TAFA1: variants seen among roughly 807,000 people sequenced by gnomAD.
The protein encoded by TAFA1 is TAFA chemokine like family member 1, also known as chemokine-like protein TAFA-1.
Under a neutral mutation model 18.5 loss-of-function variants are expected in TAFA1, and 4 were observed. The observed-to-expected ratio is 0.22, with a 90% confidence interval of 0.11 to 0.49. The LOEUF is 0.49. TAFA1 is among the 20% of genes least tolerant of loss of function. The pLI is 0.98. For missense variants in TAFA1, 147 were observed against 169.0 expected, an observed-to-expected ratio of 0.87 and a Z score of 0.72; for synonymous variants, 56 against 55.2, an observed-to-expected ratio of 1.01 and a Z score of -0.06.
intron 3 of TAFA1, among the ~76,000 whole-genome samples, chr3:68,482,671 T>A (rs2106660317): frequency 6.6e-6 from 1 of 152,340 alleles, no homozygotes; most frequent in East Asian, 1.9e-4. Flanking sequence ...CTCTTCCTTT[T>A]GGTAGAACTG....
At chr3:68,231,794 G>C (rs2107117248) in intron 2 of TAFA1, among the ~76,000 whole-genome samples, 1 of 152,238 alleles carries the variant, frequency 6.6e-6, no homozygotes, top group Non-Finnish European at 1.5e-5. Context: ...CTCAGCTTTA[G>C]GGCCTTTCCA....
intron 2 of TAFA1, among the ~76,000 whole-genome samples, chr3:68,225,939 T>C (rs143789993): frequency 6.6e-6 from 1 of 151,900 alleles, no homozygotes; most frequent in African/African-American, 2.4e-5. Context: ...TATGGAGAGA[T>C]AAGATTTTGT....
intron 2 of TAFA1, among the ~76,000 whole-genome samples, chr3:68,165,648 G>T (rs1366644358): frequency 6.6e-6 from 1 of 152,204 alleles, no homozygotes; most frequent in Non-Finnish European, 1.5e-5. Flanking sequence ...TTAGTATTAA[G>T]GCAAAGCCTG....
At chr3:68,443,473 C>CAAAAAAAAAAAAAAAAA (rs56944130) in intron 3 of TAFA1, among the ~76,000 whole-genome samples, 1 of 96,102 alleles carries the variant, frequency 1.0e-5, no homozygotes, top group Non-Finnish European at 2.2e-5. Flanking sequence ...GGGCAATTTA[C>CAAAAAAAAAAAAAAAAA]AAAAAAAAAA....
intron 2 of TAFA1, among the ~76,000 whole-genome samples, chr3:68,042,516 G>A (rs1705186533): frequency 6.6e-6 from 1 of 152,098 alleles, no homozygotes; most frequent in South Asian, 2.1e-4. Context: ...TGGTGTGGTG[G>A]CACATGCCTG....
chr3:68,407,265 T>C (rs1386601613), intron 2 of TAFA1, among the ~76,000 whole-genome samples: 1 of 152,164 alleles, frequency 6.6e-6, no homozygotes, highest in African/African-American at 2.4e-5. Context: ...CTGAACCAGG[T>C]ATTATTATAA....
At chr3:68,045,205 A>T (rs1482114565) in intron 2 of TAFA1, among the ~76,000 whole-genome samples, 1 of 152,166 alleles carries the variant, frequency 6.6e-6, no homozygotes, top group Non-Finnish European at 1.5e-5. Context: ...TCTCATGGCA[A>T]TGGCAGAGGA....
At chr3:68,073,789 AATG>A (rs535673528) in intron 2 of TAFA1, among the ~76,000 whole-genome samples, 137 of 152,144 alleles carry the variant, frequency 9.0e-4, no homozygotes, top group African/African-American at 3.2e-3. Flanking sequence ...TGGAGGTAGT[AATG>A]ATGATGGTGA....
At chr3:68,445,404 A>C (rs899907156) in intron 3 of TAFA1, among the ~76,000 whole-genome samples, 1 of 152,264 alleles carries the variant, frequency 6.6e-6, no homozygotes, top group Admixed American at 6.5e-5. Flanking sequence ...ACTTTACAAG[A>C]ATATTGTTTT....
intron 3 of TAFA1, among the ~76,000 whole-genome samples, chr3:68,433,966 G>A (rs1013163924): frequency 1.3e-5 from 2 of 152,002 alleles, no homozygotes; most frequent in African/African-American, 4.8e-5. Flanking sequence ...TATGTGTAAA[G>A]GACATTCTTT....
chr3:68,021,490 G>A (rs1016472239), intron 2 of TAFA1, among the ~76,000 whole-genome samples: 1 of 151,930 alleles, frequency 6.6e-6, no homozygotes, highest in Admixed American at 6.6e-5. Context: ...TTTTATCATA[G>A]GATTCAGTCA....
chr3:67,995,568 G>A, the TAFA1 span, among the ~76,000 whole-genome samples: 1 of 152,034 alleles, frequency 6.6e-6, no homozygotes, highest in Non-Finnish European at 1.5e-5. Context: ...TTCTCCCAGA[G>A]CTGGGACTCC....
chr3:68,332,633 A>G (rs888731304), intron 2 of TAFA1, among the ~76,000 whole-genome samples: 1 of 152,356 alleles, frequency 6.6e-6, no homozygotes, highest in East Asian at 1.9e-4. Context: ...GAAGACATGC[A>G]TATTAAATGA....
intron 2 of TAFA1, among the ~76,000 whole-genome samples, chr3:68,350,200 T>C (rs1428932506): frequency 1.3e-5 from 2 of 152,164 alleles, no homozygotes; most frequent in East Asian, 1.9e-4. Flanking sequence ...GATGAAGCAC[T>C]GCTTTAAGAG....
chr3:68,370,776 C>A lies in TAFA1; in HGVS notation c.119-46504C>A, dbSNP rs1435220604. Reference sequence around the variant, plus strand: ...TTTGTTAAACCTCCTCGGGTGTTTTCGTTGTTTTTTTTTTTTTTTTTTAAT... The same window carrying A: ...TTTGTTAAACCTCCTCGGGTGTTTTAGTTGTTTTTTTTTTTTTTTTTTAAT... On this transcript the variant is annotated intron_variant, in intron 2 of 4. Coordinates refer to ENST00000478136, the MANE Select transcript of TAFA1 (RefSeq NM_213609.4). 1.8e-3 allele frequency among the ~76,000 whole-genome samples: 197 copies of A among 111,130 alleles called. 2 individuals carry two copies. The highest frequency in any genetic ancestry group is 2.6e-3 in the Non-Finnish European group (145 of 55,796). The allele number at this position is 111,130 out of a possible 152,430, so 72.9% of individuals were successfully genotyped here.
At chr3:68,454,448 G>A (rs2071621319) in intron 3 of TAFA1, among the ~76,000 whole-genome samples, 1 of 152,110 alleles carries the variant, frequency 6.6e-6, no homozygotes, top group African/African-American at 2.4e-5. Context: ...TGTGAATTTG[G>A]AAGCCCATAT....
chr3:68,247,015 A>G (rs1162145077), intron 2 of TAFA1: 1 of 152,178 alleles, frequency 6.6e-6, no homozygotes, highest in Non-Finnish European at 1.5e-5. Context: ...TTGATGTGAG[A>G]AAGAAATGAC....
chr3:67,994,925 A>T, the TAFA1 span, among the ~76,000 whole-genome samples: 1 of 152,170 alleles, frequency 6.6e-6, no homozygotes, highest in African/African-American at 2.4e-5. Flanking sequence ...TGGCAGAGAG[A>T]TTGTGGTTAC....
chr3:68,523,669 AATAG>A (rs1184061377), intron 3 of TAFA1, among the ~76,000 whole-genome samples: 1 of 152,238 alleles, frequency 6.6e-6, no homozygotes, highest in Non-Finnish European at 1.5e-5. Context: ...TATTCAGTAT[AATAG>A]ATCATTTTCA....
Sources: gnomAD v4.1 joint callset for allele counts (sites outside exome capture counted in the v4.1 genomes callset) on GRCh38, gnomAD v4.1.1 for gene constraint, MANE v1.5 for transcripts, NCBI Gene and HGNC (gene_info 2026-07-23, HGNC 2026-07-21) for gene names.